Variants in CSTPP1 observed in about 807,000 individuals in gnomAD.
CSTPP1 encodes the protein centriolar satellite-associated tubulin polyglutamylase complex regulator 1.
chr11:47,078,654 A>G, the CSTPP1 span, among the ~76,000 whole-genome samples: 1 of 152,296 alleles, frequency 6.6e-6, no homozygotes, highest in East Asian at 1.9e-4. Context: ...GAAAGAAGGA[A>G]GGAAGAGGTG....
the CSTPP1 span, among the ~76,000 whole-genome samples, chr11:47,153,771 A>T: frequency 1.3e-5 from 2 of 152,266 alleles, no homozygotes; most frequent in Non-Finnish European, 2.9e-5. Context: ...CTCTTCAGGA[A>T]GATCGCAGCA....
chr11:46,951,828 G>A, the CSTPP1 span, among the ~76,000 whole-genome samples: 1 of 152,142 alleles, frequency 6.6e-6, no homozygotes, highest in African/African-American at 2.4e-5. Context: ...TTGAAATTAA[G>A]TGGTTTAGGT....
the CSTPP1 span, among the ~76,000 whole-genome samples, chr11:47,122,802 C>T: frequency 2.0e-5 from 3 of 152,102 alleles, no homozygotes; most frequent in Non-Finnish European, 4.4e-5. Flanking sequence ...TGGTCTCGAA[C>T]TCCTGACCTC....
At chr11:47,013,210 G>T in the CSTPP1 span, among the ~76,000 whole-genome samples, 4 of 147,556 alleles carry the variant, frequency 2.7e-5, no homozygotes, top group East Asian at 2.0e-4. Context: ...TATATAAATG[G>T]TTATATATAT....
At chr11:47,153,069 CTT>C in the CSTPP1 span, among the ~76,000 whole-genome samples, 1 of 152,212 alleles carries the variant, frequency 6.6e-6, no homozygotes, top group East Asian at 1.9e-4. Context: ...GTTTGGAGGT[CTT>C]TGCTAACCCC....
At chr11:46,987,501 G>A in the CSTPP1 span, 1 of 567,574 alleles carries the variant, frequency 1.8e-6, no homozygotes, top group East Asian at 2.9e-5. Flanking sequence ...TTTGTCCAGT[G>A]ATGTCTCATG....
chr11:47,056,754 C>G, the CSTPP1 span, among the ~76,000 whole-genome samples: 1 of 152,092 alleles, frequency 6.6e-6, no homozygotes, highest in Non-Finnish European at 1.5e-5. Flanking sequence ...CAATTTTAAT[C>G]CGGAATTAGT....
the CSTPP1 span, among the ~76,000 whole-genome samples, chr11:47,104,760 C>T: frequency 6.6e-6 from 1 of 152,170 alleles, no homozygotes. Context: ...CATAAGGCCC[C>T]AGTTACAGGG....
the CSTPP1 span, among the ~76,000 whole-genome samples, chr11:47,025,916 T>C: frequency 5.9e-5 from 9 of 152,110 alleles, no homozygotes; most frequent in Non-Finnish European, 2.9e-5. Flanking sequence ...AGACAAGAAA[T>C]TAGATGAAAC....
the CSTPP1 span, among the ~76,000 whole-genome samples, chr11:47,055,662 AT>A: frequency 1.3e-5 from 2 of 152,174 alleles, no homozygotes; most frequent in African/African-American, 4.8e-5. Flanking sequence ...TTGCAGAAAG[AT>A]TTCATGGTGA....
the CSTPP1 span, among the ~76,000 whole-genome samples, chr11:47,016,629 G>A: frequency 6.6e-6 from 1 of 152,002 alleles, no homozygotes; most frequent in Non-Finnish European, 1.5e-5. Flanking sequence ...AGGAATTAAA[G>A]ACTATAGTGA....
chr11:47,145,896 G>A, the CSTPP1 span, among the ~76,000 whole-genome samples: 28 of 143,948 alleles, frequency 1.9e-4, no homozygotes, highest in African/African-American at 4.0e-4. Flanking sequence ...TCAGCTTTCC[G>A]TAAATTATTT....
At chr11:47,148,393 CGGA>C in the CSTPP1 span, among the ~76,000 whole-genome samples, 1 of 149,900 alleles carries the variant, frequency 6.7e-6, no homozygotes, top group Admixed American at 6.6e-5. Flanking sequence ...CCTTGACTTG[CGGA>C]CACCCTTCAG....
the CSTPP1 span, among the ~76,000 whole-genome samples, chr11:47,105,149 T>C: frequency 3.1e-4 from 47 of 152,322 alleles, no homozygotes; most frequent in Middle Eastern, 3.4e-3. Flanking sequence ...ATGTAGCTCA[T>C]GTGCCTGCCA....
At chr11:47,145,637 GTTA>G in the CSTPP1 span, among the ~76,000 whole-genome samples, 4 of 152,114 alleles carry the variant, frequency 2.6e-5, no homozygotes, top group East Asian at 2.0e-4. Flanking sequence ...TTTAAAAAAT[GTTA>G]TTATTTTTTG....
At chr11:47,162,009 A>AG in the CSTPP1 span, 21 of 1,016,208 alleles carry the variant, frequency 2.1e-5, no homozygotes, top group Non-Finnish European at 2.5e-5. Flanking sequence ...AACTCCATTA[A>AG]GGGGGAGAAC....
At chr11:46,936,824 C>G in the CSTPP1 span, 1 of 1,606,768 alleles carries the variant, frequency 6.2e-7, no homozygotes, top group Non-Finnish European at 8.5e-7. Context: ...TCCGGAGCGC[C>G]TAGCCCTACC....
At chr11:46,975,011 A>C in the CSTPP1 span, among the ~76,000 whole-genome samples, 1 of 147,344 alleles carries the variant, frequency 6.8e-6, no homozygotes, top group South Asian at 2.2e-4. Flanking sequence ...GTCTGGGTGC[A>C]GTGGCTCACA....
the CSTPP1 span, among the ~76,000 whole-genome samples, chr11:46,953,873 A>C: frequency 2.4e-3 from 370 of 152,328 alleles, 1 homozygote; most frequent in African/African-American, 8.1e-3. Flanking sequence ...TTAAACTTAG[A>C]AATGGAGCTA....
Sources: gnomAD v4.1 joint callset for allele counts (sites outside exome capture counted in the v4.1 genomes callset) on GRCh38, gnomAD v4.1.1 for gene constraint, MANE v1.5 for transcripts, NCBI Gene and HGNC (gene_info 2026-07-23, HGNC 2026-07-21) for gene names.